Variants in ATR observed in about 807,000 individuals in gnomAD.
ATR encodes ATR checkpoint kinase.
In ATR, 142 loss-of-function variants were observed where a neutral mutation model predicts 305.3. The ratio of observed to expected loss-of-function variants is 0.47; its 90% CI spans 0.41 to 0.53. ATR has a LOEUF of 0.53. ATR is among the 20% of genes least tolerant of loss of function. The pLI is 0.00. For synonymous variants in ATR, 1,050 were observed against 1,068.1 expected (o/e 0.98, Z 0.33); for missense variants, 2,135 against 3,133.1 (o/e 0.68, Z 7.60).
At position 142,559,451 on chromosome 3, in the gene ATR, G is replaced by C. The variant is rs1303337145; in HGVS notation, c.1542-10C>G. 1 of 1,611,148 alleles carries C rather than the reference G, an allele frequency of 6.2e-7. No homozygotes were observed. The highest frequency in any genetic ancestry group is 1.7e-5 in the Admixed American group (1 of 59,984). On this transcript the variant is annotated splice_polypyrimidine_tract_variant and intron_variant, in intron 6 of 46. Transcript: ENST00000350721. ...GTCCTTGAAAGTACGGCTGCAGTAAGTACATTTTGTTAAAAACATTGGAAT... is the reference window on the plus strand; with the variant it reads ...GTCCTTGAAAGTACGGCTGCAGTAACTACATTTTGTTAAAAACATTGGAAT...
intron 35 of ATR, among the ~76,000 whole-genome samples, chr3:142,490,830 C>T (rs1019870935): frequency 2.6e-5 from 4 of 152,058 alleles, no homozygotes; most frequent in East Asian, 3.9e-4. Context: ...GTTTAATTCA[C>T]TCAATATTTT....
Position 142,498,679 on chromosome 3 carries a change from C to T in ATR, c.5476G>A (p.Val1826Met). The change falls in exon 32 of 47, where the codon GTG (valine) becomes ATG (methionine). Residue 1826 changes from valine to methionine, a missense_variant. Transcript: ENST00000350721. ...AGAGGTACAATTTGTTCTGCTCTCA[C>T]TAGTTTCAGTGAGTCATAAAAAGCT... is the stretch of plus-strand genomic sequence containing the variant. ...ITAFYDSLKL[V>M]RAEQIVPLSA... 3.7e-6 allele frequency: 6 copies of T among 1,614,056 alleles called. No homozygotes were observed. The highest frequency in any genetic ancestry group is 5.1e-6 in the Non-Finnish European group (6 of 1,179,986).
intron 36 of ATR, among the ~76,000 whole-genome samples, chr3:142,482,833 TAAA>T (rs75409897): frequency 4.4e-5 from 6 of 137,048 alleles, no homozygotes; most frequent in Non-Finnish European, 3.2e-5. Context: ...CTTTGTCAAT[TAAA>T]AAAAAAAAAA....
chr3:142,538,229 C>T (rs919936264), intron 19 of ATR, among the ~76,000 whole-genome samples: 1 of 152,114 alleles, frequency 6.6e-6, no homozygotes, highest in African/African-American at 2.4e-5. Context: ...TTAGGTTACA[C>T]ATTTACAGAA....
At chr3:142,548,059 A>C in intron 15 of ATR, 149 bp from the exon 16 acceptor site, 1 of 710,254 alleles carries the variant, frequency 1.4e-6, no homozygotes, top group East Asian at 2.7e-5. Flanking sequence ...GCATTGGAAA[A>C]GATTCTAATC....
chr3:142,524,645 A>G (rs547512740), intron 21 of ATR, among the ~76,000 whole-genome samples: 6 of 152,322 alleles, frequency 3.9e-5, no homozygotes, highest in Admixed American at 3.3e-4. Flanking sequence ...TTCAGTAGAT[A>G]AGTGGAGGAG....
At chr3:142,569,934 CA>C (rs959538337) in intron 1 of ATR, among the ~76,000 whole-genome samples, 5 of 152,198 alleles carry the variant, frequency 3.3e-5, no homozygotes, top group African/African-American at 1.2e-4. Context: ...CATCAGCCAA[CA>C]TGCCCAGCCC....
Position 142,449,360 on chromosome 3 carries a change from T to A in ATR, c.*69A>T. On this transcript the variant is annotated 3_prime_UTR_variant, in exon 47 of 47. Coordinates refer to ENST00000350721, the MANE Select transcript of ATR (RefSeq NM_001184.4). The stretch of plus-strand genomic sequence containing the variant: ...ATGTTGTACTTTAGAATTGAACAGA[T>A]ACAACCACAGATTCATACCAAATGC... 2 of 1,450,384 alleles carry A rather than the reference T, an allele frequency of 1.4e-6. No individual in the cohort carries two copies. Among genetic ancestry groups the A allele is most frequent in the Non-Finnish European group, 1.9e-6 (2 of 1,034,634 alleles). 89.8% of individuals were successfully genotyped at this position (1,450,384 alleles called of 1,614,324 possible).
At chr3:142,513,752 GTTT>G in intron 25 of ATR, 114 bp from the exon 26 acceptor site, 1 of 1,142,410 alleles carries the variant, frequency 8.8e-7, no homozygotes, top group Non-Finnish European at 1.2e-6. Flanking sequence ...AATTTAAAAA[GTTT>G]TTTAATTAAT....
intron 23 of ATR, among the ~76,000 whole-genome samples, chr3:142,520,046 A>C (rs1250661153): frequency 3.3e-5 from 5 of 152,198 alleles, no homozygotes; most frequent in Non-Finnish European, 7.4e-5. Context: ...TCTATGTCGC[A>C]TTTCGGTAAT....
At chr3:142,511,477 G>A (rs2032562818) in intron 27 of ATR, among the ~76,000 whole-genome samples, 1 of 151,432 alleles carries the variant, frequency 6.6e-6, no homozygotes, top group Admixed American at 6.6e-5. Context: ...CCAACATGGT[G>A]AAACCCCGTC....
chr3:142,531,004 T>C (rs921102916), intron 21 of ATR, among the ~76,000 whole-genome samples: 1 of 152,194 alleles, frequency 6.6e-6, no homozygotes, highest in South Asian at 2.1e-4. Context: ...CATCAGAACG[T>C]ACCCGCTCTC....
chr3:142,532,927 G>A (rs2033716435), intron 21 of ATR, among the ~76,000 whole-genome samples: 1 of 152,096 alleles, frequency 6.6e-6, no homozygotes, highest in African/African-American at 2.4e-5. Flanking sequence ...TCATGCTCTG[G>A]TGGTATTCCT....
In ATR at chr3:142,559,361, G is replaced by T. The variant is rs2034797135; in HGVS notation, c.1622C>A (p.Thr541Lys). ...VITWMSLDFY[T>K]KVLKSCRSLL... is the part of the protein sequence containing the mutation. ...ACTTCTACAGCTCTTAAGCACTTTT[G>T]TGTAAAAATCCAATGACATCCAAGT... The change falls in exon 7 of 47, where the codon ACA becomes AAA. Residue 541 changes from threonine (T) to lysine (K), a missense_variant. This residue lies in a region of ATR where 744 missense variants were observed against 873.2 expected (regional missense o/e 0.85). Coordinates refer to ENST00000350721, the MANE Select transcript of ATR (RefSeq NM_001184.4). 2 of 1,613,684 alleles carry T rather than the reference G, an allele frequency of 1.2e-6. No individual in the cohort carries two copies. The highest frequency in any genetic ancestry group is 1.7e-6 in the Non-Finnish European group (2 of 1,179,828).
chr3:142,458,871 C>A (rs2108259405), intron 44 of ATR, 87 bp downstream of exon 44: 1 of 1,452,356 alleles, frequency 6.9e-7, no homozygotes, highest in South Asian at 1.2e-5. Flanking sequence ...ATAACTGCTA[C>A]TAACAGGTAT....
intron 46 of ATR, 41 bp from the exon 47 acceptor site, chr3:142,449,643 A>C (rs759329368): frequency 3.2e-6 from 5 of 1,585,306 alleles, no homozygotes; most frequent in Middle Eastern, 3.3e-4. Context: ...GATGTTAATA[A>C]TTTGGAATTA....
At position 142,493,305 on chromosome 3, in the gene ATR, C is replaced by T. The variant is rs1175958154; in HGVS notation, c.5905G>A (p.Val1969Ile). Residue 1969 changes from valine to isoleucine, a missense_variant, in exon 35 of 47, where the codon GTT becomes ATT. By Grantham distance (29) the Val-to-Ile change is conservative (BLOSUM62 3). Around this residue, in one of 9 missense-constraint regions of ATR, gnomAD observed 462 missense variants for 887.6 expected, o/e 0.52. Transcript: ENST00000350721. Reference sequence around the variant, plus strand: ...TGAAGAACAATTAGTGCCTGGTGAACATCACCCTAAAAGAAAAAAGGCAAC... The same window carrying T: ...TGAAGAACAATTAGTGCCTGGTGAATATCACCCTAAAAGAAAAAAGGCAAC... ...RAKWLWSKGD[V>I]HQALIVLQKG... The T allele has an allele frequency of 6.2e-7, 1 of 1,611,836 alleles. No individual in the cohort carries two copies. The highest frequency in any genetic ancestry group is 8.5e-7 in the Non-Finnish European group (1 of 1,179,038).
At chr3:142,499,973 T>C in intron 30 of ATR, 1 of 384,306 alleles carries the variant, frequency 2.6e-6, no homozygotes, top group Non-Finnish European at 4.8e-6. Context: ...CAAATTAAAG[T>C]GTGCCATATA....
chr3:142,551,260 CAGATAAATAAATAAAAATTAGCT>C, intron 13 of ATR, among the ~76,000 whole-genome samples: 1 of 152,090 alleles, frequency 6.6e-6, no homozygotes, highest in East Asian at 1.9e-4. Context: ...CCCATCTCTA[CAGATAAATAAATAAAAATTAGCT>C]AGGTGTGGTG....
Sources: gnomAD v4.1 joint callset for allele counts (sites outside exome capture counted in the v4.1 genomes callset) on GRCh38, gnomAD v4.1.1 for gene constraint, gnomAD v4.1.1 regional missense constraint, MANE v1.5 for transcripts, NCBI Gene and HGNC (gene_info 2026-07-23, HGNC 2026-07-21) for gene names.